Variants in KDM5D observed in about 807,000 individuals in gnomAD.
The protein encoded by KDM5D is lysine demethylase 5D.
Under a neutral mutation model 31.9 loss-of-function variants are expected in KDM5D, and 25 were observed. The observed-to-expected ratio is 0.78, with a 90% CI of 0.57 to 1.09. The LOEUF (loss-of-function observed/expected upper bound fraction) is 1.09, where lower values mean the gene tolerates loss of function less well. Among genes scored for constraint, KDM5D ranks in the 50% least tolerant of loss-of-function variants. KDM5D has a pLI of 0.00. For synonymous variants in KDM5D, 146 were observed against 122.3 expected (o/e 1.19, Z -1.28); for missense variants, 366 against 341.6 (o/e 1.07, Z -0.56).
intron 6 of KDM5D, among the ~76,000 whole-genome samples, chrY:19,736,431 C>A (rs2045511534): frequency 3.0e-5 from 1 of 33,016 alleles, no homozygotes; most frequent in Non-Finnish European, 7.5e-5. Flanking sequence ...TATAAACATA[C>A]ATGTATACAC....
chrY:19,714,173 A>T (rs1603545767), intron 18 of KDM5D, among the ~76,000 whole-genome samples: 1 of 32,949 alleles, frequency 3.0e-5, no homozygotes, highest in East Asian at 8.0e-4. Context: ...GTGGGAGGAG[A>T]GAGAGGATCA....
In KDM5D at chrY:19,703,983, C is replaced by T. The variant is rs2045216767; in HGVS notation, c.*2012G>A. On this transcript the variant is annotated 3_prime_UTR_variant, in exon 27 of 27. Coordinates refer to ENST00000317961, the MANE Select transcript of KDM5D (RefSeq NM_004653.5). ...GAAATTCAATTTTTGCTGCAGATTT[C>T]GTCATGTTTCTTAATGAACATATAA... The T allele has an allele frequency of 3.0e-5, 1 of 33,736 alleles. No individual in the cohort carries two copies. Among genetic ancestry groups the T allele is most frequent in the Non-Finnish European group, 7.3e-5 (1 of 13,651 alleles). 8.4% of individuals were successfully genotyped at this position (33,736 alleles called of 400,897 possible).
chrY:19,725,232 A>T, intron 11 of KDM5D, among the ~76,000 whole-genome samples: 1 of 33,891 alleles, frequency 3.0e-5, no homozygotes, highest in Admixed American at 2.7e-4. Flanking sequence ...ACAGAATGAA[A>T]AAAGAGCCTG....
At chrY:19,743,050 G>A (rs1001643165) in intron 3 of KDM5D, 112 bp downstream of exon 3, 2 of 183,519 alleles carry the variant, frequency 1.1e-5, no homozygotes, top group Non-Finnish European at 2.0e-5. Flanking sequence ...TGGAGTTCGG[G>A]TTCAAATTCA....
chrY:19,739,720 C>T, intron 5 of KDM5D, 58 bp from the exon 6 acceptor site: 1 of 265,728 alleles, frequency 3.8e-6, no homozygotes, highest in Non-Finnish European at 5.7e-6. Context: ...ATAAGTGATT[C>T]CTTCATTTAC....
Position 19,732,707 on chromosome Y carries a change from C to T in KDM5D, c.969G>A (p.Gly323=). The T allele has an allele frequency of 2.6e-6, 1 of 391,342 alleles. No individual in the cohort carries two copies. The highest frequency in any genetic ancestry group is 3.6e-6 in the Non-Finnish European group (1 of 279,871). The change falls in exon 9 of 27, where the codon GGG becomes GGA. Residue 323 remains glycine, a synonymous_variant. Transcript: ENST00000317961. The stretch of plus-strand genomic sequence containing the variant: ...AGAAAAGAAGCTTATCATCTTCATC[C>T]CCACGGGAGCATACTTGGCAAATAT... ...DSYICQVCSR[G]DEDDKLLFCD...
chrY:19,722,848 C>T, intron 11 of KDM5D, among the ~76,000 whole-genome samples: 3 of 32,525 alleles, frequency 9.2e-5, no homozygotes, highest in African/African-American at 2.4e-4. Context: ...ATTCCATGCC[C>T]ATATATTGAA....
intron 18 of KDM5D, among the ~76,000 whole-genome samples, chrY:19,713,063 A>G: frequency 2.9e-5 from 1 of 34,007 alleles, no homozygotes; most frequent in African/African-American, 1.2e-4. Context: ...AAAACAAGCA[A>G]TGGGGAAAGG....
At chrY:19,743,416 A>T in intron 2 of KDM5D, among the ~76,000 whole-genome samples, 177 bp from the exon 3 acceptor site, 2 of 29,603 alleles carry the variant, frequency 6.8e-5, no homozygotes, top group Non-Finnish European at 1.6e-4. Flanking sequence ...AAAAAAAAGG[A>T]AAAACCCTGC....
chrY:19,733,854 C>T, intron 8 of KDM5D, among the ~76,000 whole-genome samples: 2 of 32,075 alleles, frequency 6.2e-5, no homozygotes, highest in Non-Finnish European at 1.5e-4. Context: ...CCAGCCTGGG[C>T]GAGAGCGAGA....
chrY:19,739,103 GAACA>G, intron 6 of KDM5D, among the ~76,000 whole-genome samples: 1 of 33,089 alleles, frequency 3.0e-5, no homozygotes, highest in East Asian at 7.9e-4. Context: ...CCATAGAATA[GAACA>G]AACAGTTAAC....
Position 19,716,002 on chromosome Y carries a change from G to A in KDM5D, c.2034C>T (p.Gly678=), listed in dbSNP as rs1367685277. Residue 678 remains glycine, a splice_region_variant and synonymous_variant, in exon 16 of 27, where the codon GGC becomes GGT. Transcript: ENST00000317961. ...RRLRKALLEK[G]VTEAEREAFE... is the part of the protein sequence containing the mutation. ...AAGCCTCTCGCTCAGCCTCCGTGAC[G>A]CCCTGGGGGTGTTCAACCCACATAT... 4 of 397,348 alleles carry A rather than the reference G, an allele frequency of 1.0e-5. No homozygotes were observed. Among genetic ancestry groups the A allele is most frequent in the Middle Eastern group, 5.9e-4 (1 of 1,700 alleles).
intron 21 of KDM5D, among the ~76,000 whole-genome samples, 173 bp from the exon 22 acceptor site, chrY:19,708,596 A>G: frequency 1.5e-4 from 5 of 33,918 alleles, no homozygotes; most frequent in Admixed American, 1.0e-3. Flanking sequence ...TCCTACTTTA[A>G]TTGGCTCAGA....
At chrY:19,728,885 TA>T (rs2045453054) in intron 11 of KDM5D, among the ~76,000 whole-genome samples, 2 of 29,999 alleles carry the variant, frequency 6.7e-5, no homozygotes, top group African/African-American at 1.3e-4. Flanking sequence ...TTGGGAGAAG[TA>T]AAAAAAAAAT....
chrY:19,744,484 A>G lies in KDM5D; in HGVS notation c.51T>C (p.Phe17=). The G allele has an allele frequency of 2.5e-6, 1 of 395,417 alleles. No individual in the cohort carries two copies. The highest frequency in any genetic ancestry group is 6.2e-5 in the African/African-American group (1 of 16,179). ...EFLPPPECPV[F]EPSWAEFQDP... ...CTTGGAATTCAGCCCAGCTAGGCTC[A>G]AAAACCGGGCACTCCGGTGGCGGCA... is the stretch of plus-strand genomic sequence containing the variant. The change falls in exon 2 of 27, where the codon TTT becomes TTC. Residue 17 remains phenylalanine, a synonymous_variant. Coordinates refer to ENST00000317961, the MANE Select transcript of KDM5D (RefSeq NM_004653.5).
In KDM5D at chrY:19,744,525, C is replaced by G; in HGVS notation, c.10G>C (p.Gly4Arg). 2.5e-6 allele frequency: 1 copy of G among 395,391 alleles called. No individual in the cohort carries two copies. The highest frequency in any genetic ancestry group is 3.6e-6 in the Non-Finnish European group (1 of 281,044). Residue 4 changes from glycine (G) to arginine (R), a missense_variant, in exon 2 of 27, where the codon GGG becomes CGG. Physicochemically the swap from Gly to Arg is moderately radical, Grantham distance 125 (BLOSUM62 -2). Transcript: ENST00000317961. MEP[G>R]CDEFLPPPEC... ...GGTGGCGGCAGGAACTCGTCACACC[C>G]CGGTTCCATGTCGGGCCTTAATGCT...
chrY:19,714,951 A>G (rs749656779), intron 18 of KDM5D, among the ~76,000 whole-genome samples: 2 of 34,000 alleles, frequency 5.9e-5, no homozygotes, highest in African/African-American at 2.3e-4. Context: ...GGAAATTCCG[A>G]TGTCTGCATA....
intron 11 of KDM5D, among the ~76,000 whole-genome samples, chrY:19,731,511 AG>A (rs2045471529): frequency 3.0e-5 from 1 of 33,487 alleles, no homozygotes; most frequent in Non-Finnish European, 7.4e-5. Context: ...GGAAAGGTGA[AG>A]GAACACTATA....
intron 8 of KDM5D, among the ~76,000 whole-genome samples, chrY:19,733,584 A>G: frequency 6.3e-5 from 2 of 31,548 alleles, no homozygotes; most frequent in African/African-American, 2.5e-4. Context: ...ATTTATAAAC[A>G]TAAGAGGCCA....
Sources: allele counts gnomAD v4.1 joint callset (sites outside exome capture counted in the v4.1 genomes callset), GRCh38; gene constraint gnomAD v4.1.1; transcripts MANE v1.5; gene names NCBI Gene and HGNC (gene_info 2026-07-23, HGNC 2026-07-21).